DPP10: variants seen among roughly 807,000 people sequenced by gnomAD.
DPP10 encodes the protein inactive dipeptidyl peptidase 10.
A neutral mutation model predicts 120.9 loss-of-function variants in DPP10; 33 were observed. The ratio of observed to expected loss-of-function variants is 0.27; its 90% CI spans 0.21 to 0.37. The LOEUF is 0.37. DPP10 is among the 10% of genes least tolerant of loss of function. The pLI, the probability that DPP10 is intolerant of heterozygous loss-of-function variation, is 1.00. For synonymous variants in DPP10, 337 were observed against 326.1 expected (o/e 1.03, Z -0.36); for missense variants, 816 against 942.8 (o/e 0.87, Z 1.76).
chr2:115,611,495 A>G (rs908283707), intron 5 of DPP10, among the ~76,000 whole-genome samples: 12 of 152,084 alleles, frequency 7.9e-5, no homozygotes, highest in African/African-American at 2.9e-4. Context: ...GTTTACCCCA[A>G]CCTTCAAATA....
At position 114,801,272 on chromosome 2, in the gene DPP10, A is replaced by AAAAG. The variant is rs796154485; in HGVS notation, c.60+358437_60+358438insGAAA. The stretch of plus-strand genomic sequence containing the variant: ...AACGAGACTCTGTATCAAAAAAAAA[A>AAAAG]AAAAAAAGAAAAAAAGAAAGAAAGA... On this transcript the variant is annotated intron_variant, in intron 1 of 25. Coordinates refer to ENST00000410059, the MANE Select transcript of DPP10 (RefSeq NM_020868.6). Among the ~76,000 whole-genome samples, 881 of 92,624 alleles carry AAAAG rather than the reference A, an allele frequency of 9.5e-3. 9 individuals are homozygous for AAAAG. Among genetic ancestry groups the AAAAG allele is most frequent in the African/African-American group, 0.03 (842 of 28,388 alleles). The allele number at this position is 92,624 out of a possible 152,430, so 60.8% of individuals were successfully genotyped here. A position where few individuals can be genotyped will look rare whatever the true frequency, so the allele number is the denominator to read the frequency against.
intron 5 of DPP10, chr2:115,580,025 A>G (rs527327271): frequency 3.9e-5 from 6 of 152,054 alleles, no homozygotes; most frequent in African/African-American, 9.6e-5. Flanking sequence ...CCCTGTGTCC[A>G]TGTTTTCTCA....
At chr2:115,064,744 T>G in intron 1 of DPP10, 2 of 1,304,116 alleles carry the variant, frequency 1.5e-6, no homozygotes, top group Non-Finnish European at 1.0e-6. Context: ...AAAGTGGTTA[T>G]AGTCCACTTA....
chr2:115,426,419 T>C (rs865228), intron 3 of DPP10, among the ~76,000 whole-genome samples: 11 of 74,102 alleles, frequency 1.5e-4, no homozygotes, highest in Admixed American at 4.4e-4. Context: ...CAACATGAGA[T>C]TCTCACCAGG....
At chr2:115,663,949 C>A (rs553653224) in intron 5 of DPP10, among the ~76,000 whole-genome samples, 5 of 151,794 alleles carry the variant, frequency 3.3e-5, no homozygotes, top group African/African-American at 4.8e-5. Flanking sequence ...GAGCCGAGAT[C>A]GTGCCATTGC....
intron 5 of DPP10, among the ~76,000 whole-genome samples, chr2:115,658,770 GA>G (rs1225415459): frequency 3.3e-5 from 5 of 151,992 alleles, no homozygotes; most frequent in Non-Finnish European, 7.4e-5. Context: ...CTAAAGCTCT[GA>G]AAAACAACAA....
chr2:115,003,816 C>T (rs1194960252), intron 1 of DPP10, among the ~76,000 whole-genome samples: 2 of 151,830 alleles, frequency 1.3e-5, no homozygotes, highest in African/African-American at 2.4e-5. Flanking sequence ...ATTTCCAAAC[C>T]TATTGACTTG....
chr2:114,513,521 CAAA>C (rs10712243), intron 1 of DPP10, among the ~76,000 whole-genome samples: 7 of 74,980 alleles, frequency 9.3e-5, no homozygotes, highest in South Asian at 5.1e-4. Context: ...AACTCTACCT[CAAA>C]AAAAAAAAAA....
At chr2:115,066,459 C>G (rs1411545825) in intron 1 of DPP10, among the ~76,000 whole-genome samples, 1 of 152,082 alleles carries the variant, frequency 6.6e-6, no homozygotes, top group Non-Finnish European at 1.5e-5. Context: ...TAGAGCATGC[C>G]TCCAGGATCT....
chr2:115,068,395 C>A (rs1395262606), intron 1 of DPP10, among the ~76,000 whole-genome samples: 3 of 151,712 alleles, frequency 2.0e-5, no homozygotes, highest in African/African-American at 7.3e-5. Flanking sequence ...CTCTTCCGAT[C>A]CTTTGCCCAT....
intron 5 of DPP10, among the ~76,000 whole-genome samples, chr2:115,583,883 T>C (rs2082140224): frequency 6.6e-6 from 1 of 152,138 alleles, no homozygotes; most frequent in South Asian, 2.1e-4. Context: ...GGTAGTGAAA[T>C]GTGGAGTGAT....
chr2:114,522,909 C>T (rs1685192940), intron 1 of DPP10, among the ~76,000 whole-genome samples: 1 of 152,202 alleles, frequency 6.6e-6, no homozygotes, highest in South Asian at 2.1e-4. Flanking sequence ...CTCATGAGAA[C>T]AGCATGGAAA....
intron 1 of DPP10, among the ~76,000 whole-genome samples, chr2:114,950,934 C>G (rs763508085): frequency 6.6e-6 from 1 of 152,130 alleles, no homozygotes; most frequent in Non-Finnish European, 1.5e-5. Context: ...ATTCTTTGGA[C>G]TATAAGGAAA....
At chr2:114,905,853 A>G (rs1338049626) in intron 1 of DPP10, among the ~76,000 whole-genome samples, 2 of 152,126 alleles carry the variant, frequency 1.3e-5, no homozygotes, top group Admixed American at 1.3e-4. Flanking sequence ...CAGCCTGTAT[A>G]TAGATTATAT....
chr2:115,698,611 CT>C (rs957482038), intron 7 of DPP10, among the ~76,000 whole-genome samples: 2 of 152,184 alleles, frequency 1.3e-5, no homozygotes, highest in African/African-American at 4.8e-5. Context: ...CACTCTTGCT[CT>C]TTGTCTCTCT....
rs538060796 is a variant in DPP10 at position 115,335,626 on chromosome 2, C to G, written c.176-8191C>G. Among the ~76,000 whole-genome samples the G allele has an allele frequency of 2.0e-4, 31 of 152,098 alleles. No individual in the cohort carries two copies. The South Asian group carries it at 5.4e-3, about 26-fold the overall frequency. ...ATCTGCTGACAAGTTAGAGAATGCA[C>G]AAAGCAATGGCAGATATTTTGAAAA... On this transcript the variant is annotated intron_variant, in intron 2 of 25. Coordinates refer to ENST00000410059, the MANE Select transcript of DPP10 (RefSeq NM_020868.6).
chr2:115,044,347 G>A (rs1704898125), intron 1 of DPP10, among the ~76,000 whole-genome samples: 1 of 152,088 alleles, frequency 6.6e-6, no homozygotes, highest in African/African-American at 2.4e-5. Flanking sequence ...ACTTTTAAAA[G>A]ACCAGATCTT....
intron 19 of DPP10, among the ~76,000 whole-genome samples, chr2:115,810,506 A>C (rs1486296565): frequency 6.6e-6 from 1 of 152,114 alleles, no homozygotes; most frequent in African/African-American, 2.4e-5. Context: ...TGTTTGTTTT[A>C]TTCCATTTTT....
intron 1 of DPP10, among the ~76,000 whole-genome samples, chr2:115,053,640 C>CA (rs1439014877): frequency 1.3e-5 from 2 of 151,994 alleles, no homozygotes; most frequent in African/African-American, 2.4e-5. Flanking sequence ...TAAACATTTA[C>CA]AAAAAAATTT....
Sources: gnomAD v4.1 joint callset for allele counts (sites outside exome capture counted in the v4.1 genomes callset) on GRCh38, gnomAD v4.1.1 for gene constraint, MANE v1.5 for transcripts, NCBI Gene and HGNC (gene_info 2026-07-23, HGNC 2026-07-21) for gene names.